The following CACNA2D1 variants were observed in gnomAD, a reference collection of about 807,000 sequenced individuals.
CACNA2D1 encodes voltage-dependent calcium channel subunit alpha-2/delta-1.
In CACNA2D1, 53 loss-of-function variants were observed where a neutral mutation model predicts 171.5. That is an observed-to-expected ratio of 0.31 (90% CI 0.25 to 0.39). The LOEUF is 0.39. CACNA2D1 is among the 10% of genes least tolerant of loss of function. The pLI, the probability that CACNA2D1 is intolerant of heterozygous loss-of-function variation, is 1.00. For missense variants in CACNA2D1, 903 were observed against 1,299.8 expected (o/e 0.69, Z 4.69); for synonymous variants, 442 against 443.1 (o/e 1.00, Z 0.03).
At chr7:82,144,973 G>A in intron 4 of CACNA2D1, among the ~76,000 whole-genome samples, 1 of 151,656 alleles carries the variant, frequency 6.6e-6, no homozygotes. Flanking sequence ...GAATAAATAA[G>A]CATTGAGCTT....
chr7:82,380,108 A>G (rs1050744648), intron 1 of CACNA2D1, among the ~76,000 whole-genome samples: 1 of 152,124 alleles, frequency 6.6e-6, no homozygotes, highest in Non-Finnish European at 1.5e-5. Flanking sequence ...TCTATTTTCA[A>G]ACTATAATTG....
At chr7:82,145,737 T>C (rs2129096804) in intron 4 of CACNA2D1, among the ~76,000 whole-genome samples, 1 of 149,736 alleles carries the variant, frequency 6.7e-6, no homozygotes, top group African/African-American at 2.4e-5. Context: ...CACACATATA[T>C]ACCTATATGT....
chr7:82,411,473 A>G (rs1373472163), intron 1 of CACNA2D1, among the ~76,000 whole-genome samples: 3 of 152,218 alleles, frequency 2.0e-5, no homozygotes, highest in Non-Finnish European at 2.9e-5. Context: ...TACTCAATAG[A>G]TGACACCAAT....
chr7:82,231,278 T>A (rs1255582433), intron 3 of CACNA2D1, among the ~76,000 whole-genome samples: 1 of 152,160 alleles, frequency 6.6e-6, no homozygotes, highest in East Asian at 1.9e-4. Context: ...TTCAAATAAG[T>A]GCCCTCCAAC....
intron 10 of CACNA2D1, among the ~76,000 whole-genome samples, chr7:82,043,425 A>G (rs528436082): frequency 3.3e-5 from 5 of 152,274 alleles, no homozygotes. Context: ...ATTCAGATAA[A>G]CTGCCTCAGC....
At chr7:82,306,628 T>C (rs377112173) in intron 3 of CACNA2D1, among the ~76,000 whole-genome samples, 20 of 152,280 alleles carry the variant, frequency 1.3e-4, no homozygotes, top group African/African-American at 4.1e-4. Context: ...AAAAAGAGAC[T>C]TCTGCTATCC....
intron 3 of CACNA2D1, among the ~76,000 whole-genome samples, chr7:82,308,661 A>T (rs567822166): frequency 1.9e-4 from 29 of 152,312 alleles, no homozygotes; most frequent in African/African-American, 6.7e-4. Flanking sequence ...CTCTACACCA[A>T]AACCACTGGA....
At chr7:82,390,885 C>T (rs543985103) in intron 1 of CACNA2D1, among the ~76,000 whole-genome samples, 17 of 152,136 alleles carry the variant, frequency 1.1e-4, no homozygotes, top group Non-Finnish European at 2.1e-4. Context: ...ATTTTTCTTT[C>T]ATGATATAGT....
chr7:82,068,096 T>C (rs1807878205), intron 7 of CACNA2D1, among the ~76,000 whole-genome samples: 1 of 152,160 alleles, frequency 6.6e-6, no homozygotes, highest in Non-Finnish European at 1.5e-5. Flanking sequence ...TCTTGCAGCA[T>C]GTGCTGCTGT....
At chr7:82,411,808 T>C (rs1827698318) in intron 1 of CACNA2D1, among the ~76,000 whole-genome samples, 1 of 151,920 alleles carries the variant, frequency 6.6e-6, no homozygotes, top group African/African-American at 2.4e-5. Context: ...TGTCTAAATT[T>C]GCTGAGAAGT....
chr7:82,094,185 T>G (rs916318314), intron 6 of CACNA2D1, among the ~76,000 whole-genome samples: 8 of 151,942 alleles, frequency 5.3e-5, no homozygotes, highest in Non-Finnish European at 1.2e-4. Context: ...AGAAGTCGGC[T>G]ATAATCAAGA....
intron 6 of CACNA2D1, among the ~76,000 whole-genome samples, chr7:82,114,979 C>T (rs1354315000): frequency 6.6e-6 from 1 of 152,086 alleles, no homozygotes; most frequent in Non-Finnish European, 1.5e-5. Flanking sequence ...TTATAAATTA[C>T]TAAATTTAGA....
chr7:82,092,481 T>C (rs1811292297), intron 6 of CACNA2D1, among the ~76,000 whole-genome samples: 1 of 150,918 alleles, frequency 6.6e-6, no homozygotes, highest in Non-Finnish European at 1.5e-5. Flanking sequence ...CATGCCATTC[T>C]CCTGCCTCAG....
chr7:82,104,360 T>G (rs1461695753), intron 6 of CACNA2D1, among the ~76,000 whole-genome samples: 1 of 152,014 alleles, frequency 6.6e-6, no homozygotes, highest in Admixed American at 6.6e-5. Flanking sequence ...TACTGATAAA[T>G]AAAATTAGAC....
intron 12 of CACNA2D1, among the ~76,000 whole-genome samples, chr7:82,020,535 TGG>T (rs563183813): frequency 3.1e-4 from 47 of 152,228 alleles, no homozygotes; most frequent in African/African-American, 1.1e-3. Context: ...GTATTAGCTA[TGG>T]TAATGAAGAT....
chr7:82,117,100 C>G lies in CACNA2D1; in HGVS notation c.470G>C (p.Arg157Pro). ...PVFIEDANFG[R>P]QISYQHAAVH... ...TGCTGCGTGCTGATAAGATATTTGT[C>G]GTCCAAAATTAGCATCTTCAATGAA... Residue 157 changes from arginine (R) to proline (P), a missense_variant, in exon 6 of 39, where the codon CGA becomes CCA. By Grantham distance (103) the Arg-to-Pro change is moderately radical. Transcript: ENST00000356860. 2 of 1,613,758 alleles carry G rather than the reference C, an allele frequency of 1.2e-6. No individual in the cohort carries two copies. Among genetic ancestry groups the G allele is most frequent in the Non-Finnish European group, 1.7e-6 (2 of 1,179,828 alleles).
At chr7:82,168,909 C>T (rs1795736170) in intron 4 of CACNA2D1, among the ~76,000 whole-genome samples, 1 of 152,004 alleles carries the variant, frequency 6.6e-6, no homozygotes, top group African/African-American at 2.4e-5. Context: ...GTTTGTGTGT[C>T]TGTTTTGAGT....
intron 3 of CACNA2D1, among the ~76,000 whole-genome samples, chr7:82,254,545 C>T (rs1806057243): frequency 6.6e-6 from 1 of 152,058 alleles, no homozygotes; most frequent in Non-Finnish European, 1.5e-5. Flanking sequence ...TTAAGTGTCA[C>T]CCTATTATTT....
chr7:82,393,994 G>T (rs185542835), intron 1 of CACNA2D1, among the ~76,000 whole-genome samples: 379 of 152,224 alleles, frequency 2.5e-3, no homozygotes, highest in African/African-American at 8.6e-3. Context: ...AGAAAAATTT[G>T]CCCAAGGTCA....
Sources: allele counts gnomAD v4.1 joint callset (sites outside exome capture counted in the v4.1 genomes callset), GRCh38; gene constraint gnomAD v4.1.1; transcripts MANE v1.5; gene names NCBI Gene and HGNC (gene_info 2026-07-23, HGNC 2026-07-21).